Variants in OR2L13 observed in about 807,000 individuals in gnomAD.
The protein encoded by OR2L13 is olfactory receptor 2L13.
OR2L13 carries 14 observed loss-of-function variants against 15.3 expected under a neutral mutation model. The ratio of observed to expected loss-of-function variants is 0.91; its 90% CI spans 0.60 to 1.43. OR2L13 has a LOEUF of 1.43. Ranked by LOEUF, OR2L13 falls within the 40% of genes most tolerant of loss-of-function variation. The probability of loss-of-function intolerance (pLI) is 0.00; values close to 1 mark genes in which losing one functional copy is unlikely to be tolerated. For synonymous variants in OR2L13, 152 were observed against 142.9 expected (o/e 1.06, Z -0.45); for missense variants, 367 against 387.9 (o/e 0.95, Z 0.45).
chr1:248,052,014 T>C, the OR2L13 span, among the ~76,000 whole-genome samples: 715 of 152,316 alleles, frequency 4.7e-3, 7 homozygotes, highest in African/African-American at 0.016. Flanking sequence ...TATGCAGATA[T>C]TAAATGCATT....
the OR2L13 span, among the ~76,000 whole-genome samples, chr1:248,072,483 G>C: frequency 6.6e-6 from 1 of 151,984 alleles, no homozygotes; most frequent in African/African-American, 2.4e-5. Flanking sequence ...AATTCAAGAT[G>C]GATTAAAGAC....
chr1:248,026,515 T>G, the OR2L13 span, among the ~76,000 whole-genome samples: 1 of 152,228 alleles, frequency 6.6e-6, no homozygotes, highest in African/African-American at 2.4e-5. Flanking sequence ...CCCATTTCTT[T>G]CTGTCCTTCA....
At chr1:248,022,111 A>T in the OR2L13 span, 3 of 1,613,840 alleles carry the variant, frequency 1.9e-6, no homozygotes, top group Admixed American at 5.0e-5. Flanking sequence ...ACCCATCTCC[A>T]CACACCCATG....
At chr1:248,084,574 G>C in the OR2L13 span, 1 of 1,609,484 alleles carries the variant, frequency 6.2e-7, no homozygotes, top group Non-Finnish European at 8.5e-7. Flanking sequence ...AATAAAGTCT[G>C]GGGTAGTATT....
At chr1:248,068,954 C>T in the OR2L13 span, among the ~76,000 whole-genome samples, 2 of 152,110 alleles carry the variant, frequency 1.3e-5, no homozygotes, top group Non-Finnish European at 2.9e-5. Flanking sequence ...AACAAAGCCT[C>T]CAAGAAATAT....
the OR2L13 span, among the ~76,000 whole-genome samples, chr1:247,986,682 G>T: frequency 1.9e-3 from 292 of 152,124 alleles, 7 homozygotes; most frequent in East Asian, 0.052. Flanking sequence ...GATGGCATTG[G>T]ATCTATAAAT....
chr1:248,005,607 C>T, the OR2L13 span, among the ~76,000 whole-genome samples: 12 of 152,208 alleles, frequency 7.9e-5, no homozygotes, highest in East Asian at 2.3e-3. Flanking sequence ...TTTTGATAGA[C>T]ATTGCATTGA....
the OR2L13 span, among the ~76,000 whole-genome samples, chr1:247,943,595 C>G: frequency 0.023 from 3,457 of 152,140 alleles, 54 homozygotes; most frequent in East Asian, 0.036. Flanking sequence ...CGAAACATAA[C>G]CCCAGTGTAA....
the OR2L13 span, chr1:248,083,720 G>C: frequency 1.9e-6 from 3 of 1,612,942 alleles, no homozygotes; most frequent in Non-Finnish European, 2.5e-6. Context: ...TGACCTCACT[G>C]TTCCTCACAC....
chr1:248,098,360 A>G (rs1664778521), intron 1 of OR2L13, among the ~76,000 whole-genome samples: 1 of 152,222 alleles, frequency 6.6e-6, no homozygotes, highest in South Asian at 2.1e-4. Context: ...GATGGTTTTC[A>G]TGTTTTTTTC....
chr1:248,097,546 C>A (rs1231541769), intron 1 of OR2L13, among the ~76,000 whole-genome samples: 1 of 152,160 alleles, frequency 6.6e-6, no homozygotes, highest in Non-Finnish European at 1.5e-5. Flanking sequence ...TAACAACATG[C>A]CACTTTTCCA....
the OR2L13 span, among the ~76,000 whole-genome samples, chr1:248,030,967 A>G: frequency 1.3e-5 from 2 of 152,202 alleles, no homozygotes; most frequent in Non-Finnish European, 2.9e-5. Context: ...CCTCCTGTGT[A>G]TAACATCATT....
the OR2L13 span, among the ~76,000 whole-genome samples, chr1:247,981,231 G>A: frequency 6.6e-6 from 1 of 152,100 alleles, no homozygotes; most frequent in Admixed American, 6.6e-5. Flanking sequence ...TCAAATTAAT[G>A]AATCCACATA....
the OR2L13 span, among the ~76,000 whole-genome samples, chr1:248,005,771 T>A: frequency 1.3e-5 from 2 of 152,252 alleles, no homozygotes; most frequent in Non-Finnish European, 2.9e-5. Context: ...AACAGTAAAG[T>A]ATTACGGTAA....
At chr1:248,060,995 C>A in the OR2L13 span, 1 of 1,614,048 alleles carries the variant, frequency 6.2e-7, no homozygotes, top group Non-Finnish European at 8.5e-7. Flanking sequence ...TTCTTCTCGG[C>A]ATTAGGAGGT....
At chr1:248,051,329 T>C in the OR2L13 span, 1 of 152,328 alleles carries the variant, frequency 6.6e-6, no homozygotes, top group Admixed American at 6.5e-5. Context: ...TGTTGTAGCA[T>C]GTGTCAAAAT....
chr1:247,991,354 T>G, the OR2L13 span: 3 of 585,178 alleles, frequency 5.1e-6, no homozygotes, highest in Admixed American at 9.4e-5. Flanking sequence ...GCATTTCAAT[T>G]GCATATTCTA....
At chr1:248,070,997 CA>C in the OR2L13 span, among the ~76,000 whole-genome samples, 1 of 151,988 alleles carries the variant, frequency 6.6e-6, no homozygotes, top group Non-Finnish European at 1.5e-5. Flanking sequence ...GCTTACCAAC[CA>C]AAAAGAGTCC....
the OR2L13 span, among the ~76,000 whole-genome samples, chr1:248,018,693 T>G: frequency 6.6e-6 from 1 of 152,216 alleles, no homozygotes; most frequent in Non-Finnish European, 1.5e-5. Flanking sequence ...AGTGTACAGT[T>G]CTGTGGCATT....
Sources: allele counts gnomAD v4.1 joint callset (sites outside exome capture counted in the v4.1 genomes callset), GRCh38; gene constraint gnomAD v4.1.1; transcripts MANE v1.5; gene names NCBI Gene and HGNC (gene_info 2026-07-23, HGNC 2026-07-21).